Variants in ACBD5 observed in about 807,000 individuals in gnomAD.
The protein encoded by ACBD5 is acyl-CoA-binding domain-containing protein 5.
Under a neutral mutation model 71.8 loss-of-function variants are expected in ACBD5, and 40 were observed. The ratio of observed to expected loss-of-function variants is 0.56; its 90% CI spans 0.43 to 0.72. The LOEUF is 0.72. Among genes scored for constraint, ACBD5 ranks in the 30% least tolerant of loss-of-function variants. The pLI is 0.00. For missense variants in ACBD5, 559 were observed against 644.5 expected (o/e 0.87, Z 1.44); for synonymous variants, 229 against 218.6 (o/e 1.05, Z -0.42).
chr10:27,231,184 T>C (rs2063808995), intron 4 of ACBD5, among the ~76,000 whole-genome samples: 2 of 152,150 alleles, frequency 1.3e-5, no homozygotes, highest in Non-Finnish European at 2.9e-5. Context: ...CTACACTTTC[T>C]CCAGAAGTTG....
At chr10:27,216,645 G>A (rs1022284249) in intron 7 of ACBD5, among the ~76,000 whole-genome samples, 1 of 152,076 alleles carries the variant, frequency 6.6e-6, no homozygotes, top group Non-Finnish European at 1.5e-5. Context: ...GATTTATCAA[G>A]CCACACTTTT....
At chr10:27,212,618 G>A (rs1449763594) in intron 8 of ACBD5, among the ~76,000 whole-genome samples, 2 of 136,498 alleles carry the variant, frequency 1.5e-5, no homozygotes, top group African/African-American at 5.4e-5. Flanking sequence ...TGGCTTTATA[G>A]CCCAGGCTGG....
rs1830588440 is a variant in ACBD5, at chr10:27,240,779, A to C, written c.-91T>G. 6.5e-7 allele frequency: 1 copy of C among 1,534,156 alleles called. No homozygotes were observed. The highest frequency in any genetic ancestry group is 1.4e-5 in the African/African-American group (1 of 72,584). The stretch of plus-strand genomic sequence containing the variant: ...CCCTGGCGGAGCAGCCACACCCCCC[A>C]TTCCGCCGGAGTCCGTCTGTCAGTC... On this transcript the variant is annotated 5_prime_UTR_variant, in exon 1 of 13. The change abolishes an upstream ATG in the 5' untranslated region. Transcript: ENST00000396271. The surrounding 1 kb of genome is among the most constrained non-coding windows in gnomAD (Gnocchi z 4.1).
rs1033577653 is a variant in ACBD5 at position 27,195,240 on chromosome 10, A to C, written c.*2190T>G. 1.5e-5 allele frequency: 6 copies of C among 410,512 alleles called. No homozygotes were observed. Among genetic ancestry groups the C allele is most frequent in the African/African-American group, 1.3e-4 (6 of 47,536 alleles). The allele number at this position is 410,512 out of a possible 1,614,324, so 25.4% of individuals were successfully genotyped here. On this transcript the variant is annotated 3_prime_UTR_variant, in exon 13 of 13. Coordinates refer to ENST00000396271, the MANE Select transcript of ACBD5 (RefSeq NM_145698.5). ...CATTTCTCATTAACCTTTTATTTTT[A>C]ACTTAGTTTTACAATAAACAGAAAA...
intron 7 of ACBD5, among the ~76,000 whole-genome samples, chr10:27,216,381 T>A (rs986372379): frequency 3.1e-4 from 47 of 152,318 alleles, no homozygotes; most frequent in Non-Finnish European, 2.2e-4. Flanking sequence ...CCTCAGGTGA[T>A]CCGCCTGCCT....
At chr10:27,220,631 G>A (rs2062214823) in intron 5 of ACBD5, among the ~76,000 whole-genome samples, 1 of 152,150 alleles carries the variant, frequency 6.6e-6, no homozygotes, top group African/African-American at 2.4e-5. Flanking sequence ...AAAATGATCT[G>A]CAAATTCACT....
chr10:27,228,784 ATTATGT>A (rs1221883517), intron 4 of ACBD5, among the ~76,000 whole-genome samples: 1 of 56,614 alleles, frequency 1.8e-5, no homozygotes, highest in Non-Finnish European at 4.7e-5. Flanking sequence ...ACATAATCCT[ATTATGT>A]TTATATATAT....
intron 5 of ACBD5, among the ~76,000 whole-genome samples, chr10:27,221,712 G>A (rs1161258417): frequency 2.6e-5 from 4 of 151,666 alleles, no homozygotes; most frequent in Non-Finnish European, 4.4e-5. Context: ...TCAGGAGTTC[G>A]AGATCAGCCT....
chr10:27,186,341 A>G, intron 13 of ACBD5: 1 of 1,555,168 alleles, frequency 6.4e-7, no homozygotes, highest in Non-Finnish European at 8.9e-7. Context: ...TTACTTAGGT[A>G]ATGATATCAT....
chr10:27,211,821 C>A (rs1279400753), intron 8 of ACBD5, among the ~76,000 whole-genome samples: 1 of 152,024 alleles, frequency 6.6e-6, no homozygotes, highest in Non-Finnish European at 1.5e-5. Flanking sequence ...GGATGACAAC[C>A]TATAATTAAC....
chr10:27,188,853 G>A lies in ACBD5; in HGVS notation c.1494-6138C>T, dbSNP rs11015595. On this transcript the variant is annotated intron_variant, in intron 13 of 13. Transcript: ENST00000676511. ...AGCTGATGTATATGTGTGCATGCAC[G>A]TCTTTAAAAAACACCAACGGCCACC... 3.2e-3 allele frequency among the ~76,000 whole-genome samples: 480 copies of A among 152,246 alleles called. 1 individual carries two copies. Among genetic ancestry groups the A allele is most frequent in the Non-Finnish European group, 4.2e-3 (286 of 68,014 alleles).
chr10:27,212,473 A>G (rs76327486), intron 8 of ACBD5, among the ~76,000 whole-genome samples: 10,624 of 152,278 alleles, frequency 0.07, 701 homozygotes, highest in African/African-American at 0.17. Flanking sequence ...CTTTTTTAAA[A>G]AGAAAAAAAT....
chr10:27,215,581 T>G lies in ACBD5; in HGVS notation c.890A>C (p.Asp297Ala). ...TGIQHLTSDS[D>A]SEVYCDSMEQ... is the part of the protein sequence containing the mutation. ...CATAGAATCACAGTAAACTTCACTG[T>G]CTGAATCGCTTGTCAAATGCTGAAT... The change falls in exon 8 of 13, where the codon GAC becomes GCC. Residue 297 changes from aspartate to alanine, a missense_variant. Transcript: ENST00000396271. The G allele has an allele frequency of 6.2e-7, 1 of 1,613,706 alleles. No homozygotes were observed. Among genetic ancestry groups the G allele is most frequent in the Non-Finnish European group, 8.5e-7 (1 of 1,179,820 alleles).
rs552275880 is a variant in ACBD5, at chr10:27,197,510, T to C, written c.1566-68A>G. The C allele has an allele frequency of 1.2e-3, 1,327 of 1,146,304 alleles. 3 individuals are homozygous for C. Among genetic ancestry groups the C allele is most frequent in the Non-Finnish European group, 1.5e-3 (1,191 of 778,758 alleles). 71.0% of individuals were successfully genotyped at this position (1,146,304 alleles called of 1,614,324 possible). On this transcript the variant is annotated intron_variant, in intron 12 of 12. Coordinates refer to ENST00000396271, the MANE Select transcript of ACBD5 (RefSeq NM_145698.5). ...GCAAATAATTCTCTGGATGGTAACATAATAATAATAACATACAAATTCAAA... is the reference window on the plus strand; with the variant it reads ...GCAAATAATTCTCTGGATGGTAACACAATAATAATAACATACAAATTCAAA...
intron 9 of ACBD5, 91 bp from the exon 10 acceptor site, chr10:27,208,536 G>C: frequency 6.9e-7 from 1 of 1,451,258 alleles, no homozygotes; most frequent in South Asian, 1.2e-5. Flanking sequence ...ATTTCTTTGA[G>C]ATCTAAATCT....
chr10:27,237,923 T>C lies in ACBD5; in HGVS notation c.181+2396A>G, dbSNP rs146065106. 2.2e-3 allele frequency among the ~76,000 whole-genome samples: 327 copies of C among 146,314 alleles called. 4 individuals carry two copies. Among genetic ancestry groups the C allele is most frequent in the African/African-American group, 8.0e-3 (317 of 39,502 alleles). On this transcript the variant is annotated intron_variant, in intron 2 of 12. Coordinates refer to ENST00000396271, the MANE Select transcript of ACBD5 (RefSeq NM_145698.5). The stretch of plus-strand genomic sequence containing the variant: ...AGCCACCACGCCTGGCCTGATAGGG[T>C]ATCTTTTTTTTTAAATTTAATTTAA...
chr10:27,218,759 T>C (rs1419154521), intron 6 of ACBD5, among the ~76,000 whole-genome samples: 3 of 152,050 alleles, frequency 2.0e-5, no homozygotes, highest in Admixed American at 6.6e-5. Context: ...CTAATTTTTG[T>C]ATTTTTAGTA....
intron 13 of ACBD5, among the ~76,000 whole-genome samples, chr10:27,184,026 A>G (rs953675000): frequency 6.6e-6 from 1 of 151,950 alleles, no homozygotes; most frequent in African/African-American, 2.4e-5. Flanking sequence ...TTGTTTACTC[A>G]CTGATTTAAC....
rs1431615204 is a variant in ACBD5, at chr10:27,195,584, T to C, written c.*1846A>G. 1 of 449,474 alleles carries C rather than the reference T, an allele frequency of 2.2e-6. No homozygotes were observed. Among genetic ancestry groups the C allele is most frequent in the Non-Finnish European group, 4.4e-6 (1 of 225,120 alleles). 27.8% of individuals were successfully genotyped at this position (449,474 alleles called of 1,614,324 possible). ...TCTCATTTTTGAAAATAATCTTTGA[T>C]CCACAGGTCTAAATGTTATTTTTAC... is the stretch of plus-strand genomic sequence containing the variant. On this transcript the variant is annotated 3_prime_UTR_variant, in exon 13 of 13. Transcript: ENST00000396271.
Sources: allele counts gnomAD v4.1 joint callset (sites outside exome capture counted in the v4.1 genomes callset), GRCh38; gene constraint gnomAD v4.1.1; non-coding constraint Gnocchi (gnomAD v3.1); transcripts MANE v1.5; gene names NCBI Gene and HGNC (gene_info 2026-07-23, HGNC 2026-07-21).